The following TGFBRAP1 variants were observed in gnomAD, a reference collection of about 807,000 sequenced individuals.
The protein encoded by TGFBRAP1 is transforming growth factor beta receptor associated protein 1.
TGFBRAP1 carries 20 observed loss-of-function variants against 83.2 expected under a neutral mutation model. The ratio of observed to expected loss-of-function variants is 0.24; its 90% CI spans 0.17 to 0.35. The LOEUF is 0.35. Ranked by LOEUF, TGFBRAP1 falls within the 10% of genes least tolerant of loss-of-function variation. The pLI is 1.00. For synonymous variants in TGFBRAP1, 415 were observed against 459.8 expected (o/e 0.90, Z 1.25); for missense variants, 950 against 1,099.4 (o/e 0.86, Z 1.92).
At position 105,275,501 on chromosome 2, in the gene TGFBRAP1, G is replaced by T. The variant is rs1472173198; in HGVS notation, c.1665+59C>A. The stretch of plus-strand genomic sequence containing the variant: ...TTCCCCTCCTAAAAGCAAAGCTTTT[G>T]GGGTCTGTTTTTACCACCTCCCCCA... On this transcript the variant is annotated intron_variant, in intron 8 of 11. Transcript: ENST00000393359. 7.6e-6 allele frequency: 12 copies of T among 1,588,522 alleles called. No homozygotes were observed. The African/African-American group carries it at 1.6e-4, about 22-fold the overall frequency.
chr2:105,303,691 C>T (rs1042143469), intron 2 of TGFBRAP1, among the ~76,000 whole-genome samples: 1 of 152,122 alleles, frequency 6.6e-6, no homozygotes, highest in African/African-American at 2.4e-5. Flanking sequence ...CATTACAGAG[C>T]GATGAAGGCA....
At chr2:105,301,765 T>C (rs373886789) in intron 2 of TGFBRAP1, among the ~76,000 whole-genome samples, 1 of 152,136 alleles carries the variant, frequency 6.6e-6, no homozygotes, top group East Asian at 1.9e-4. Context: ...TCTTGGTGTG[T>C]TGCACAGGCT....
At chr2:105,294,413 T>C (rs1573189700) in intron 4 of TGFBRAP1, among the ~76,000 whole-genome samples, 1 of 151,424 alleles carries the variant, frequency 6.6e-6, no homozygotes, top group African/African-American at 2.4e-5. Flanking sequence ...GGCAACGAGA[T>C]GCCCCCTAAA....
intron 3 of TGFBRAP1, among the ~76,000 whole-genome samples, chr2:105,296,756 C>CTTTTTTTTTTTTTTTT (rs60031957): frequency 1.6e-4 from 12 of 73,228 alleles, no homozygotes; most frequent in East Asian, 4.7e-4. Flanking sequence ...CTTTTTTTGC[C>CTTTTTTTTTTTTTTTT]TTTTTTTTTT....
chr2:105,276,113 C>T (rs930731846), intron 7 of TGFBRAP1, among the ~76,000 whole-genome samples: 1 of 152,184 alleles, frequency 6.6e-6, no homozygotes, highest in Non-Finnish European at 1.5e-5. Context: ...CCGTCACAGA[C>T]ATTCTTGATT....
At chr2:105,326,724 A>G (rs1290936350) in intron 1 of TGFBRAP1, among the ~76,000 whole-genome samples, 1 of 152,168 alleles carries the variant, frequency 6.6e-6, no homozygotes, top group African/African-American at 2.4e-5. Flanking sequence ...GTCTCAAAAA[A>G]AGAAAAAAAA....
At chr2:105,302,288 G>A (rs552074029) in intron 2 of TGFBRAP1, among the ~76,000 whole-genome samples, 1 of 152,220 alleles carries the variant, frequency 6.6e-6, no homozygotes, top group African/African-American at 2.4e-5. Flanking sequence ...GGAGACTATC[G>A]CAATACCTCA....
At chr2:105,256,778 G>T in the TGFBRAP1 span, among the ~76,000 whole-genome samples, 1 of 152,166 alleles carries the variant, frequency 6.6e-6, no homozygotes, top group Admixed American at 6.5e-5. Flanking sequence ...TTCCCAGATG[G>T]TTAGACATTC....
intron 1 of TGFBRAP1, among the ~76,000 whole-genome samples, chr2:105,328,345 G>A (rs1187627182): frequency 6.6e-6 from 1 of 152,170 alleles, no homozygotes; most frequent in Non-Finnish European, 1.5e-5. Context: ...AGTACTCCAG[G>A]CAGCGTTTTG....
chr2:105,304,759 G>A (rs1324224985), intron 2 of TGFBRAP1, among the ~76,000 whole-genome samples: 3 of 152,208 alleles, frequency 2.0e-5, no homozygotes, highest in Non-Finnish European at 2.9e-5. Flanking sequence ...CTCCAGCCTG[G>A]GCGACAGAGC....
chr2:105,290,615 C>CTGTG (rs201513561), intron 4 of TGFBRAP1, among the ~76,000 whole-genome samples: 3,791 of 103,822 alleles, frequency 0.037, 88 homozygotes, highest in East Asian at 0.11. Flanking sequence ...AACAGAGAGA[C>CTGTG]AGTGTGTGTG....
At chr2:105,259,755 G>A (rs908683205), downstream of TGFBRAP1, among the ~76,000 whole-genome samples, 7 of 152,174 alleles carry the variant, frequency 4.6e-5, no homozygotes, top group Admixed American at 2.0e-4. Flanking sequence ...TCTGGATCTC[G>A]TTCTGAATCA....
chr2:105,317,707 G>C (rs1182047024), intron 1 of TGFBRAP1, among the ~76,000 whole-genome samples: 1 of 152,126 alleles, frequency 6.6e-6, no homozygotes, highest in Non-Finnish European at 1.5e-5. Flanking sequence ...GAAAAGATAA[G>C]GGGAAAAGGG....
chr2:105,291,562 G>C (rs1379308191), intron 4 of TGFBRAP1, among the ~76,000 whole-genome samples: 2 of 152,126 alleles, frequency 1.3e-5, no homozygotes, highest in Middle Eastern at 3.2e-3. Flanking sequence ...AAATGTGGTA[G>C]GTACATACAA....
chr2:105,256,931 A>C, the TGFBRAP1 span, among the ~76,000 whole-genome samples: 2 of 152,318 alleles, frequency 1.3e-5, no homozygotes, highest in Middle Eastern at 6.8e-3. Flanking sequence ...CCTCACTGCT[A>C]CACCCCCGCC....
At position 105,273,638 on chromosome 2, in the gene TGFBRAP1, C is replaced by T. The variant is rs914025316; in HGVS notation, c.1718G>A (p.Ser573Asn). ...KRPLDEQQKN[S>N]FNPDDIINCL... ...ATTGATAATGTCGTCTGGATTAAAA[C>T]TGTTCTTCTGCTGTTCATCCAAAGG... Residue 573 changes from serine (S) to asparagine (N), a missense_variant, in exon 9 of 12, where the codon AGT becomes AAT. Coordinates refer to ENST00000393359, the MANE Select transcript of TGFBRAP1 (RefSeq NM_004257.6). 3.1e-6 allele frequency: 5 copies of T among 1,614,068 alleles called. No homozygotes were observed. The African/African-American group carries it at 6.7e-5, about 22-fold the overall frequency.
In TGFBRAP1 at chr2:105,267,275, T is replaced by A; in HGVS notation, c.*108A>T. 1 of 1,440,560 alleles carries A rather than the reference T, an allele frequency of 6.9e-7. No homozygotes were observed. The highest frequency in any genetic ancestry group is 1.4e-5 in the South Asian group (1 of 71,702). The allele number at this position is 1,440,560 out of a possible 1,614,324, so 89.2% of individuals were successfully genotyped here. The stretch of plus-strand genomic sequence containing the variant: ...GACGGAAGGCTCCCTGGCACCCAGA[T>A]GTCTCCCTTCGTCCTGGCTGACACA... On this transcript the variant is annotated 3_prime_UTR_variant, in exon 12 of 12. Transcript: ENST00000393359.
At chr2:105,283,616 C>T (rs2104343122) in intron 5 of TGFBRAP1, among the ~76,000 whole-genome samples, 2 of 152,336 alleles carry the variant, frequency 1.3e-5, no homozygotes, top group East Asian at 3.9e-4. Context: ...GCAAAGAGTG[C>T]TGAGCAAGGC....
At chr2:105,291,559 G>T (rs1450755061) in intron 4 of TGFBRAP1, among the ~76,000 whole-genome samples, 1 of 152,172 alleles carries the variant, frequency 6.6e-6, no homozygotes, top group African/African-American at 2.4e-5. Context: ...ACAAAATGTG[G>T]TAGGTACATA....
Sources: gnomAD v4.1 joint callset for allele counts (sites outside exome capture counted in the v4.1 genomes callset) on GRCh38, gnomAD v4.1.1 for gene constraint, MANE v1.5 for transcripts, NCBI Gene and HGNC (gene_info 2026-07-23, HGNC 2026-07-21) for gene names.